FRMD8: variants seen among roughly 807,000 people sequenced by gnomAD.
The protein encoded by FRMD8 is FERM domain-containing protein 8.
In FRMD8, 37 loss-of-function variants were observed where a neutral mutation model predicts 54.2. That is an observed-to-expected ratio of 0.68 (90% CI 0.53 to 0.90). The LOEUF is 0.90. Among genes scored for constraint, FRMD8 ranks in the 40% least tolerant of loss-of-function variants. The pLI is 0.00. For synonymous variants in FRMD8, 246 were observed against 286.9 expected (o/e 0.86, Z 1.44); for missense variants, 585 against 653.7 (o/e 0.89, Z 1.15).
rs149906092 is a variant in FRMD8 at position 65,399,832 on chromosome 11, C to T, written c.900C>T (p.Gly300=). Residue 300 remains glycine, a synonymous_variant, in exon 8 of 11, where the codon GGC becomes GGT. Coordinates refer to ENST00000317568, the MANE Select transcript of FRMD8 (RefSeq NM_031904.5). The part of the protein sequence containing the change: ...KPVSVAISLE[G]VHVIDSREKH... ...TTTCTGTGGCCATCAGTCTGGAAGG[C>T]GTGCACGTCATCGATAGCAGAGAGA... 43 of 1,613,810 alleles carry T rather than the reference C, an allele frequency of 2.7e-5. No homozygotes were observed. Among genetic ancestry groups the T allele is most frequent in the Non-Finnish European group, 3.1e-5 (37 of 1,179,906 alleles).
chr11:65,404,718 C>A lies in FRMD8; in HGVS notation c.1072-146C>A. ...CTTCACAGTCACCCAAGTGGGACAC[C>A]TCCCCTGCCTCCCTGCTCCCTCCCT... On this transcript the variant is annotated intron_variant, in intron 9 of 10. Coordinates refer to ENST00000317568, the MANE Select transcript of FRMD8 (RefSeq NM_031904.5). This position sits in a 1 kb window ranked among gnomAD's most constrained non-coding sequence, Gnocchi z 4.7. 1 of 663,418 alleles carries A rather than the reference C, an allele frequency of 1.5e-6. No individual in the cohort carries two copies. The highest frequency in any genetic ancestry group is 2.6e-6 in the Non-Finnish European group (1 of 384,338). The allele number at this position is 663,418 out of a possible 1,614,324, so 41.1% of individuals were successfully genotyped here. A position where few individuals can be genotyped will look rare whatever the true frequency, so the allele number is the denominator to read the frequency against.
chr11:65,404,267 G>A lies in FRMD8; in HGVS notation c.1072-597G>A, dbSNP rs965237678. Among the ~76,000 whole-genome samples the A allele has an allele frequency of 1.3e-5, 2 of 152,202 alleles. No individual in the cohort carries two copies. Among genetic ancestry groups the A allele is most frequent in the African/African-American group, 4.8e-5 (2 of 41,440 alleles). ...AGGAAATACCTGTGTCCTAAGGGGT[G>A]CCACCCTTTTAACACCCTCTGCGAC... On this transcript the variant is annotated intron_variant, in intron 9 of 10. Coordinates refer to ENST00000317568, the MANE Select transcript of FRMD8 (RefSeq NM_031904.5). The surrounding 1 kb of genome is among the most constrained non-coding windows in gnomAD (Gnocchi z 4.7).
chr11:65,390,451 G>A (rs1012946993), intron 3 of FRMD8, among the ~76,000 whole-genome samples: 1 of 152,150 alleles, frequency 6.6e-6, no homozygotes, highest in Non-Finnish European at 1.5e-5. Flanking sequence ...AGGACAGCCT[G>A]GTTTAGGTCC....
the FRMD8 span, among the ~76,000 whole-genome samples, chr11:65,371,366 C>T: frequency 7.2e-4 from 110 of 152,242 alleles, no homozygotes; most frequent in African/African-American, 2.5e-3. Context: ...AGAAGTATGA[C>T]GCTGGACAAC....
intron 10 of FRMD8, among the ~76,000 whole-genome samples, chr11:65,408,602 T>A (rs192902249): frequency 2.0e-5 from 3 of 151,974 alleles, no homozygotes; most frequent in Admixed American, 6.6e-5. Context: ...ATGGCCTTGC[T>A]AATGTAAAAG....
upstream of FRMD8, chr11:65,382,004 C>T: frequency 2.1e-6 from 3 of 1,453,002 alleles, no homozygotes; most frequent in Non-Finnish European, 2.9e-6. The surrounding 1 kb of genome is among the most constrained non-coding windows in gnomAD (Gnocchi z 4.4). Flanking sequence ...GAGTTGAATT[C>T]CCCCCTCTCC....
the FRMD8 span, among the ~76,000 whole-genome samples, chr11:65,372,305 A>G: frequency 0.092 from 14,004 of 152,138 alleles, 718 homozygotes; most frequent in South Asian, 0.14. Context: ...TCCTGGGGCC[A>G]CTGTGCAGGA....
intron 10 of FRMD8, among the ~76,000 whole-genome samples, chr11:65,406,210 T>TTTTG (rs1296623385): frequency 2.0e-5 from 3 of 149,382 alleles, no homozygotes; most frequent in Non-Finnish European, 3.0e-5. Context: ...TTTTTTTTTT[T>TTTTG]TGAGACAGAG....
chr11:65,383,522 C>A (rs2137838545), upstream of FRMD8: 1 of 152,454 alleles, frequency 6.6e-6, no homozygotes, highest in South Asian at 2.1e-4. Flanking sequence ...CTTTGGGAGG[C>A]CGAGGCGGAA....
chr11:65,399,546 C>T (rs564688672), intron 7 of FRMD8, among the ~76,000 whole-genome samples, 190 bp from the exon 8 acceptor site: 30 of 152,334 alleles, frequency 2.0e-4, no homozygotes, highest in African/African-American at 7.0e-4. Flanking sequence ...CCTCCGGTCG[C>T]ACACTGCCAG....
chr11:65,382,017 C>G (rs900746265), upstream of FRMD8: 2 of 1,365,530 alleles, frequency 1.5e-6, no homozygotes, highest in Non-Finnish European at 2.1e-6. The surrounding 1 kb of genome is among the most constrained non-coding windows in gnomAD (Gnocchi z 4.4). Flanking sequence ...CCCTCTCCCT[C>G]CCCTGGCCCA....
intron 2 of FRMD8, 141 bp downstream of exon 2, chr11:65,387,262 C>G: frequency 1.2e-6 from 1 of 803,126 alleles, no homozygotes; most frequent in Non-Finnish European, 2.1e-6. Flanking sequence ...ATGTGGAAAA[C>G]TCACAGAAGT....
rs895425119 is a variant in FRMD8, at chr11:65,401,489, C to T, written c.1071+622C>T. Among the ~76,000 whole-genome samples the T allele has an allele frequency of 8.7e-5, 13 of 149,262 alleles. No individual in the cohort carries two copies. The Admixed American group carries it at 8.7e-4, about 10-fold the overall frequency. On this transcript the variant is annotated intron_variant, in intron 9 of 10. Transcript: ENST00000317568. ...TTCCCACCCCTTCCTCCTTTCATCT[C>T]GGGTCTCTCTGGATCCTTCATTCCA... is the stretch of plus-strand genomic sequence containing the variant.
the FRMD8 span, chr11:65,379,362 C>T: frequency 6.2e-7 from 1 of 1,605,926 alleles, no homozygotes; most frequent in African/African-American, 1.3e-5. Flanking sequence ...TGTGCCCACT[C>T]ACTGCCCCCT....
At chr11:65,388,812 A>C (rs114471893) in intron 2 of FRMD8, among the ~76,000 whole-genome samples, 6,830 of 152,246 alleles carry the variant, frequency 0.045, 567 homozygotes, top group African/African-American at 0.16. Flanking sequence ...CTAAAGAATT[A>C]TCTCTTCGCA....
the FRMD8 span, chr11:65,381,504 C>A: frequency 5.1e-6 from 1 of 196,400 alleles, no homozygotes. Flanking sequence ...AGTGATCCTC[C>A]TACCTCAGCC....
the FRMD8 span, chr11:65,380,077 T>G: frequency 1.3e-6 from 2 of 1,594,446 alleles, no homozygotes; most frequent in Non-Finnish European, 1.7e-6. Context: ...CAGGGCACCC[T>G]GACATTTGGG....
At position 65,394,418 on chromosome 11, in the gene FRMD8, G is replaced by C. The variant is rs1035070334; in HGVS notation, c.574G>C (p.Asp192His). 1.9e-6 allele frequency: 3 copies of C among 1,566,348 alleles called. No individual in the cohort carries two copies. The African/African-American group carries it at 4.1e-5, about 21-fold the overall frequency. Residue 192 changes from aspartate to histidine, a missense_variant, in exon 6 of 11, where the codon GAC becomes CAC. Physicochemically the swap from Asp to His is moderately conservative, Grantham distance 81 (BLOSUM62 -1). Coordinates refer to ENST00000317568, the MANE Select transcript of FRMD8 (RefSeq NM_031904.5). ...PYQPGRPAAC[D>H]LREKLDSFLP... ...CCAGCCCGGCCGGCCGGCAGCCTGC[G>C]ACCTGAGGTGAGGGCCTGTGTGACT... is the stretch of plus-strand genomic sequence containing the variant.
In FRMD8 at chr11:65,399,847, T is replaced by C. The variant is rs753380376; in HGVS notation, c.915T>C (p.Asp305=). ...GTCTGGAAGGCGTGCACGTCATCGA[T>C]AGCAGAGAGAAGGTACTGCCCCCAG... is the stretch of plus-strand genomic sequence containing the variant. ...AISLEGVHVI[D]SREKHVLLGL... Residue 305 remains aspartate, a synonymous_variant, in exon 8 of 11, where the codon GAT becomes GAC. Coordinates refer to ENST00000317568, the MANE Select transcript of FRMD8 (RefSeq NM_031904.5). 4.3e-6 allele frequency: 7 copies of C among 1,613,428 alleles called. No individual in the cohort carries two copies. The highest frequency in any genetic ancestry group is 3.3e-4 in the Middle Eastern group (2 of 6,060).
Sources: allele counts gnomAD v4.1 joint callset (sites outside exome capture counted in the v4.1 genomes callset), GRCh38; gene constraint gnomAD v4.1.1; non-coding constraint Gnocchi (gnomAD v3.1); transcripts MANE v1.5; gene names NCBI Gene and HGNC (gene_info 2026-07-23, HGNC 2026-07-21).